Variants in SCAPER observed in about 807,000 individuals in gnomAD.
SCAPER encodes S phase cyclin A-associated protein in the endoplasmic reticulum.
Under a neutral mutation model 182.2 loss-of-function variants are expected in SCAPER, and 98 were observed. The observed-to-expected ratio is 0.54, with a 90% CI of 0.46 to 0.64. The LOEUF is 0.64. SCAPER is among the 30% of genes least tolerant of loss of function. The pLI is 0.00. For missense variants in SCAPER, 1,432 were observed against 1,690.0 expected, an observed-to-expected ratio of 0.85 and a Z score of 2.68; for synonymous variants, 605 against 564.6, an observed-to-expected ratio of 1.07 and a Z score of -1.01.
In SCAPER at chr15:76,457,181, G is replaced by A. The variant is rs149926175; in HGVS notation, c.3078+14031C>T. On this transcript the variant is annotated intron_variant, in intron 25 of 31. Transcript: ENST00000563290. ...GGGTTCAAGTGATTCTCCTGCCTCG[G>A]CCTCCCAAGCAGCTGGGACTACAGG... 8.1e-3 allele frequency among the ~76,000 whole-genome samples: 1,238 copies of A among 152,054 alleles called. 12 individuals are homozygous for A. Among genetic ancestry groups the A allele is most frequent in the African/African-American group, 0.028 (1,174 of 41,470 alleles).
chr15:76,489,890 G>A (rs533827985), intron 24 of SCAPER, among the ~76,000 whole-genome samples: 2 of 152,222 alleles, frequency 1.3e-5, no homozygotes, highest in South Asian at 4.1e-4. Flanking sequence ...ACAAAATCAT[G>A]GAGTATTTGT....
chr15:76,433,962 G>C (rs1056126849), intron 26 of SCAPER, 116 bp downstream of exon 26: 5 of 789,180 alleles, frequency 6.3e-6, no homozygotes, highest in Non-Finnish European at 1.0e-5. Flanking sequence ...TTCTCTACCA[G>C]GAATGTGTGA....
intron 23 of SCAPER, among the ~76,000 whole-genome samples, chr15:76,524,689 G>GTTTTTTTTTTTTTTTT (rs35944222): frequency 5.2e-4 from 26 of 50,114 alleles, no homozygotes; most frequent in East Asian, 1.5e-3. Context: ...TTTTTGTTCT[G>GTTTTTTTTTTTTTTTT]TTTTTTTTTT....
intron 24 of SCAPER, among the ~76,000 whole-genome samples, chr15:76,479,056 A>G (rs2050886576): frequency 6.6e-6 from 1 of 152,288 alleles, no homozygotes; most frequent in Admixed American, 6.5e-5. Flanking sequence ...TGTGCTTTAC[A>G]TTATATAGAA....
intron 23 of SCAPER, among the ~76,000 whole-genome samples, chr15:76,527,409 T>C (rs772829779): frequency 1.3e-5 from 2 of 152,192 alleles, no homozygotes; most frequent in Admixed American, 6.5e-5. Context: ...GTCATATAAA[T>C]GGCAATTCAG....
chr15:76,782,533 A>G (rs1316275557), intron 8 of SCAPER, among the ~76,000 whole-genome samples: 2 of 152,196 alleles, frequency 1.3e-5, no homozygotes, highest in Admixed American at 1.3e-4. Context: ...AAGCCGACCT[A>G]ATAGACATCT....
chr15:76,846,154 T>C (rs575704006), intron 4 of SCAPER, among the ~76,000 whole-genome samples: 2 of 152,124 alleles, frequency 1.3e-5, no homozygotes, highest in South Asian at 2.1e-4. Flanking sequence ...TGCAGAAGAA[T>C]GAAATTTGAC....
chr15:76,348,874 A>T (rs1225465345), intron 31 of SCAPER, 138 bp from the exon 32 acceptor site: 1 of 581,172 alleles, frequency 1.7e-6, no homozygotes, highest in African/African-American at 1.9e-5. Flanking sequence ...CAATTTAGGT[A>T]AATAAGGTGA....
Position 76,561,727 on chromosome 15 carries a change from T to TA in SCAPER, c.2838+12430dup, listed in dbSNP as rs2046641975. Among the ~76,000 whole-genome samples, 4 of 152,032 alleles carry TA rather than the reference T, an allele frequency of 2.6e-5. No homozygotes were observed. The South Asian group carries it at 8.3e-4, about 32-fold the overall frequency. On this transcript the variant is annotated intron_variant, in intron 23 of 31. Transcript: ENST00000563290. ...AAGTCTCTACCTCACTTTTTTTTTT[T>TA]AGACGGAGTTTCGCTCCTTTTGCCC... is the stretch of plus-strand genomic sequence containing the variant.
At chr15:76,537,585 T>C (rs1365609307) in intron 23 of SCAPER, among the ~76,000 whole-genome samples, 1 of 152,142 alleles carries the variant, frequency 6.6e-6, no homozygotes, top group Non-Finnish European at 1.5e-5. Context: ...GATTAAAGAC[T>C]TAAAGGTTAG....
chr15:76,716,925 G>A (rs533236436), intron 17 of SCAPER, among the ~76,000 whole-genome samples: 4 of 152,146 alleles, frequency 2.6e-5, no homozygotes, highest in African/African-American at 9.6e-5. Context: ...ACAAGTCAAT[G>A]AAGCTCAAAG....
At position 76,574,212 on chromosome 15, in the gene SCAPER, TTTA is replaced by T; in HGVS notation, c.2781_2783del (p.Asn927del). 6.2e-7 allele frequency: 1 copy of T among 1,611,554 alleles called. No individual in the cohort carries two copies. Among genetic ancestry groups the T allele is most frequent in the Non-Finnish European group, 8.5e-7 (1 of 1,178,856 alleles). On this transcript the variant is annotated inframe_deletion, in exon 23 of 32. Transcript: ENST00000563290. ...CTAGGGTCCGATCCAAAGCAGACAC[TTTA>T]TTGTTTGCCCATGAGCCACTGTCTT...
intron 22 of SCAPER, among the ~76,000 whole-genome samples, chr15:76,613,149 C>T (rs1000160769): frequency 3.3e-5 from 5 of 152,140 alleles, no homozygotes; most frequent in Non-Finnish European, 5.9e-5. Context: ...TTCAACAAAC[C>T]TGACAAAAGC....
chr15:76,866,959 T>TA (rs2072344042), intron 2 of SCAPER, among the ~76,000 whole-genome samples: 2 of 152,138 alleles, frequency 1.3e-5, no homozygotes, highest in Admixed American at 1.3e-4. Context: ...TTCAAATACT[T>TA]AATGTTTCAA....
chr15:76,799,372 A>ACCCGCC (rs1205764480), intron 7 of SCAPER, among the ~76,000 whole-genome samples: 3 of 108,834 alleles, frequency 2.8e-5, no homozygotes, highest in African/African-American at 1.1e-4. Context: ...TGCAACCTCC[A>ACCCGCC]CCCGCCCCCG....
chr15:76,890,494 A>T (rs1216725574), intron 1 of SCAPER, among the ~76,000 whole-genome samples: 3 of 152,134 alleles, frequency 2.0e-5, no homozygotes, highest in African/African-American at 4.8e-5. Flanking sequence ...ATATCACCAC[A>T]GATCCCACAG....
At chr15:76,583,807 C>G (rs1298851011) in intron 22 of SCAPER, among the ~76,000 whole-genome samples, 1 of 152,128 alleles carries the variant, frequency 6.6e-6, no homozygotes, top group Non-Finnish European at 1.5e-5. Flanking sequence ...AACCCTCATG[C>G]ACTGTTGGTG....
rs1350223431 is a variant in SCAPER at position 76,877,228 on chromosome 15, CAAGAGCCAGCTTA to C, written c.6+6571_6+6583del. ...TCTTTAAAAAAAAAAAAAAAAAATCCAAGAGCCAGCTTAAAGTCTCCCACTGGCTAATATGGGA... is the reference window on the plus strand; with the variant it reads ...TCTTTAAAAAAAAAAAAAAAAAATCCAAGTCTCCCACTGGCTAATATGGGA... On this transcript the variant is annotated intron_variant, in intron 2 of 31. Transcript: ENST00000563290. Among the ~76,000 whole-genome samples, 7 of 150,136 alleles carry C rather than the reference CAAGAGCCAGCTTA, an allele frequency of 4.7e-5. No homozygotes were observed. In the East Asian group the frequency reaches 1.4e-3, roughly 29 times the overall value.
chr15:76,698,135 T>C (rs1288372264), intron 20 of SCAPER, among the ~76,000 whole-genome samples: 1 of 152,048 alleles, frequency 6.6e-6, no homozygotes. Flanking sequence ...TCTCTTAAAC[T>C]ACTCATACGA....
Sources: allele counts gnomAD v4.1 joint callset (sites outside exome capture counted in the v4.1 genomes callset), GRCh38; gene constraint gnomAD v4.1.1; transcripts MANE v1.5; gene names NCBI Gene and HGNC (gene_info 2026-07-23, HGNC 2026-07-21).